The following COMMD9 variants were observed in gnomAD, a reference collection of about 807,000 sequenced individuals.
COMMD9 encodes the protein COMM domain-containing protein 9.
In COMMD9, 22 loss-of-function variants were observed where a neutral mutation model predicts 23.4. That is an observed-to-expected ratio of 0.94 (90% CI 0.67 to 1.34). The LOEUF (loss-of-function observed/expected upper bound fraction) is 1.34. Among genes scored for constraint, COMMD9 ranks in the 40% most tolerant of loss-of-function variants. The pLI is 0.00. For synonymous variants in COMMD9, 99 were observed against 97.4 expected, an observed-to-expected ratio of 1.02 and a Z score of -0.10; for missense variants, 231 against 240.2, an observed-to-expected ratio of 0.96 and a Z score of 0.25.
intron 2 of COMMD9, among the ~76,000 whole-genome samples, chr11:36,279,037 A>C (rs1856022994): frequency 6.6e-6 from 1 of 152,162 alleles, no homozygotes; most frequent in Non-Finnish European, 1.5e-5. Context: ...AGAGGACTGC[A>C]TAAATACCTG....
At chr11:36,284,195 A>G (rs1241962433) in intron 1 of COMMD9, among the ~76,000 whole-genome samples, 2 of 152,256 alleles carry the variant, frequency 1.3e-5, no homozygotes, top group Non-Finnish European at 2.9e-5. Flanking sequence ...AAGAATGAAA[A>G]AAGATATATT....
At chr11:36,276,914 A>G (rs1410950448) in intron 4 of COMMD9, 175 bp downstream of exon 4, 1 of 427,572 alleles carries the variant, frequency 2.3e-6, no homozygotes, top group Non-Finnish European at 4.2e-6. Flanking sequence ...TAATGTTTAT[A>G]ATCAGAAAAA....
At position 36,282,792 on chromosome 11, in the gene COMMD9, G is replaced by GCTT. The variant is rs1160720945; in HGVS notation, c.52-1956_52-1955insAAG. Among the ~76,000 whole-genome samples the GCTT allele has an allele frequency of 7.2e-5, 11 of 152,310 alleles. No homozygotes were observed. In the South Asian group the frequency reaches 1.7e-3, roughly 23 times the overall value. On this transcript the variant is annotated intron_variant, in intron 1 of 5. Transcript: ENST00000263401. ...GGGAAATGGGTCACATGATCACAGA[G>GCTT]GCAAAGTCCCACAATAGGCCGTCTG... is the stretch of plus-strand genomic sequence containing the variant.
chr11:36,282,292 T>C (rs1211259953), intron 1 of COMMD9, among the ~76,000 whole-genome samples: 2 of 152,106 alleles, frequency 1.3e-5, no homozygotes, highest in Non-Finnish European at 2.9e-5. Flanking sequence ...CTCCTATATA[T>C]TTCAAGAACC....
At chr11:36,286,096 G>T (rs539858087) in intron 1 of COMMD9, among the ~76,000 whole-genome samples, 5 of 152,232 alleles carry the variant, frequency 3.3e-5, no homozygotes, top group Non-Finnish European at 7.4e-5. Flanking sequence ...AAATAAAACT[G>T]TCTCTATTTG....
At position 36,284,368 on chromosome 11, in the gene COMMD9, T is replaced by C. The variant is rs761074962; in HGVS notation, c.52-3531A>G. ...AATGTGTATGTACCCAACAACAGAA[T>C]TGGAAAATATGTGAAGCAAAAACTA... On this transcript the variant is annotated intron_variant, in intron 1 of 5. Coordinates refer to ENST00000263401, the MANE Select transcript of COMMD9 (RefSeq NM_014186.4). Among the ~76,000 whole-genome samples the C allele has an allele frequency of 4.0e-4, 61 of 152,202 alleles. 1 individual carries two copies. In the Middle Eastern group the frequency reaches 0.01, roughly 25 times the overall value.
At chr11:36,285,507 T>C (rs1856136458) in intron 1 of COMMD9, among the ~76,000 whole-genome samples, 1 of 152,144 alleles carries the variant, frequency 6.6e-6, no homozygotes, top group South Asian at 2.1e-4. Flanking sequence ...TGATTTTATA[T>C]AGCTACAAAG....
At chr11:36,289,059 C>G (rs1856221610) in intron 1 of COMMD9, among the ~76,000 whole-genome samples, 1 of 152,116 alleles carries the variant, frequency 6.6e-6, no homozygotes, top group Non-Finnish European at 1.5e-5. Flanking sequence ...CAACGTGGGT[C>G]TAGCAATTAC....
At chr11:36,276,081 T>G (rs543574629) in intron 5 of COMMD9, 56 bp downstream of exon 5, 1 of 1,303,654 alleles carries the variant, frequency 7.7e-7, no homozygotes, top group Non-Finnish European at 1.1e-6. Flanking sequence ...GACTAGTGTT[T>G]TAGACGGCCA....
intron 5 of COMMD9, among the ~76,000 whole-genome samples, chr11:36,275,052 T>G (rs543586698): frequency 1.3e-5 from 2 of 152,304 alleles, no homozygotes; most frequent in South Asian, 2.1e-4. Flanking sequence ...ATACCCTAAC[T>G]CTCAGCATTC....
intron 1 of COMMD9, among the ~76,000 whole-genome samples, chr11:36,286,896 T>C: frequency 6.6e-6 from 1 of 151,878 alleles, no homozygotes; most frequent in Non-Finnish European, 1.5e-5. Flanking sequence ...TTAAGGAGAG[T>C]GTGGCTATTC....
chr11:36,288,598 C>T, intron 1 of COMMD9, among the ~76,000 whole-genome samples: 1 of 152,120 alleles, frequency 6.6e-6, no homozygotes, highest in East Asian at 1.9e-4. Context: ...GTCAGGAGTT[C>T]AAGACCAGCC....
chr11:36,272,780 C>G lies in COMMD9; in HGVS notation c.*1852G>C, dbSNP rs984375606. The G allele has an allele frequency of 2.0e-5, 3 of 152,170 alleles. No individual in the cohort carries two copies. The highest frequency in any genetic ancestry group is 4.4e-5 in the Non-Finnish European group (3 of 68,030). The allele number at this position is 152,170 out of a possible 1,614,324, so 9.4% of individuals were successfully genotyped here. ...TCAACATTTTCCAAATGGCGCTAGT[C>G]ACAGAATTATATGTTCCTTGCAAAG... On this transcript the variant is annotated 3_prime_UTR_variant, in exon 6 of 6. Transcript: ENST00000263401.
intron 1 of COMMD9, among the ~76,000 whole-genome samples, chr11:36,287,734 TTTATG>T (rs1389990228): frequency 6.6e-6 from 1 of 152,106 alleles, no homozygotes; most frequent in Admixed American, 6.6e-5. Flanking sequence ...TATTATTCCA[TTTATG>T]TTAAGTTCAA....
chr11:36,284,104 TCAACAACAACAACAACAA>T (rs79468939), intron 1 of COMMD9, among the ~76,000 whole-genome samples: 2 of 149,470 alleles, frequency 1.3e-5, no homozygotes, highest in Non-Finnish European at 3.0e-5. Flanking sequence ...AGACCCTGTC[TCAACAACAACAACAACAA>T]CAACAACAAC....
At chr11:36,277,185 TAGAG>T (rs1374499912) in intron 3 of COMMD9, 62 bp from the exon 4 acceptor site, 1 of 1,312,726 alleles carries the variant, frequency 7.6e-7, no homozygotes, top group East Asian at 2.6e-5. Context: ...ACTCTTCTGA[TAGAG>T]AGGGGAACTG....
chr11:36,289,399 G>C lies in COMMD9; in HGVS notation c.14C>G (p.Thr5Arg). Residue 5 changes from threonine to arginine, a missense_variant, in exon 1 of 6, where the codon ACA becomes AGA. By Grantham distance (71) the Thr-to-Arg change is moderately conservative (BLOSUM62 -1). Transcript: ENST00000263401. ...CTGGAGTGCTGCAAAATGCTCCGCTGTCAGGGCAGCCATCTTGCCGAAGTC... is the reference window on the plus strand; with the variant it reads ...CTGGAGTGCTGCAAAATGCTCCGCTCTCAGGGCAGCCATCTTGCCGAAGTC... MAAL[T>R]AEHFAALQSL... 1 of 1,552,072 alleles carries C rather than the reference G, an allele frequency of 6.4e-7. No homozygotes were observed. The highest frequency in any genetic ancestry group is 8.7e-7 in the Non-Finnish European group (1 of 1,147,208).
At chr11:36,275,973 T>C (rs897132780) in intron 5 of COMMD9, among the ~76,000 whole-genome samples, 164 bp downstream of exon 5, 1 of 152,228 alleles carries the variant, frequency 6.6e-6, no homozygotes, top group Admixed American at 6.5e-5. Context: ...CATAGTATGT[T>C]ACTGCAGTAG....
chr11:36,277,166 A>AT lies in COMMD9; in HGVS notation c.318-44dup, dbSNP rs2133425263. The stretch of plus-strand genomic sequence containing the variant: ...ATGAGGAAAAAATAATGGAAAGGGG[A>AT]TGAGACTGACTCTTCTGATAGAGAG... On this transcript the variant is annotated intron_variant, in intron 3 of 5. Coordinates refer to ENST00000263401, the MANE Select transcript of COMMD9 (RefSeq NM_014186.4). The AT allele has an allele frequency of 2.7e-6, 4 of 1,488,986 alleles. No individual in the cohort carries two copies. The South Asian group carries it at 3.7e-5, about 14-fold the overall frequency. 92.2% of individuals were successfully genotyped at this position (1,488,986 alleles called of 1,614,324 possible).
Sources: allele counts gnomAD v4.1 joint callset (sites outside exome capture counted in the v4.1 genomes callset), GRCh38; gene constraint gnomAD v4.1.1; transcripts MANE v1.5; gene names NCBI Gene and HGNC (gene_info 2026-07-23, HGNC 2026-07-21).